Variants in AUTS2 observed in about 807,000 individuals in gnomAD.
AUTS2 encodes the protein activator of transcription and developmental regulator AUTS2.
A neutral mutation model predicts 112.4 loss-of-function variants in AUTS2; 17 were observed. That is an observed-to-expected ratio of 0.15 (90% CI 0.10 to 0.23). The LOEUF is 0.23. AUTS2 is among the 10% of genes least tolerant of loss of function. The pLI, the probability that AUTS2 is intolerant of heterozygous loss-of-function variation, is 1.00. For missense variants in AUTS2, 1,510 were observed against 1,701.6 expected (o/e 0.89, Z 1.98); for synonymous variants, 751 against 702.7 (o/e 1.07, Z -1.09).
At chr7:69,993,155 G>C (rs1391432128) in intron 2 of AUTS2, among the ~76,000 whole-genome samples, 2 of 152,188 alleles carry the variant, frequency 1.3e-5, no homozygotes, top group Non-Finnish European at 2.9e-5. Flanking sequence ...TGACTGTTCT[G>C]CCTGCTCAGC....
chr7:69,816,827 C>T (rs1790783878), intron 1 of AUTS2, among the ~76,000 whole-genome samples: 1 of 152,202 alleles, frequency 6.6e-6, no homozygotes, highest in Non-Finnish European at 1.5e-5. Context: ...ATCTACTGCT[C>T]TTCATGCTCC....
Position 70,162,445 on chromosome 7 carries a change from CAAAAAAAAAAAAAAAAAAA to C in AUTS2, c.660+27891_660+27909del, listed in dbSNP as rs57688959. Among the ~76,000 whole-genome samples the C allele has an allele frequency of 1.9e-4, 11 of 56,696 alleles. No homozygotes were observed. In the South Asian group the frequency reaches 3.1e-3, roughly 16 times the overall value. The allele number at this position is 56,696 out of a possible 152,430, so 37.2% of individuals were successfully genotyped here. On this transcript the variant is annotated intron_variant, in intron 4 of 18. Transcript: ENST00000342771. ...TGGGCGACAGAGCGAGACTCCGTCT[CAAAAAAAAAAAAAAAAAAA>C]AAAAAAAAAAAAAAAAGAAGTAAAG...
intron 1 of AUTS2, among the ~76,000 whole-genome samples, chr7:69,838,412 T>C (rs777208140): frequency 6.6e-6 from 1 of 152,154 alleles, no homozygotes. Context: ...CTCTGTCAGG[T>C]AGACAGTATT....
intron 6 of AUTS2, among the ~76,000 whole-genome samples, chr7:70,704,715 C>T (rs1585539585): frequency 6.6e-6 from 1 of 152,214 alleles, no homozygotes; most frequent in Admixed American, 6.5e-5. Context: ...CGCGGGCCAA[C>T]CCCAGACAGG....
intron 1 of AUTS2, among the ~76,000 whole-genome samples, chr7:69,637,451 G>T (rs147666731): frequency 6.6e-6 from 1 of 152,148 alleles, no homozygotes; most frequent in African/African-American, 2.4e-5. Context: ...TGAAATTTAC[G>T]TCAGCCTTAT....
At chr7:69,700,854 T>A (rs544528450) in intron 1 of AUTS2, among the ~76,000 whole-genome samples, 1 of 152,316 alleles carries the variant, frequency 6.6e-6, no homozygotes, top group South Asian at 2.1e-4. Flanking sequence ...GATGAGTAGC[T>A]ATAATTTTTC....
At chr7:69,934,608 C>A (rs769704024) in intron 2 of AUTS2, among the ~76,000 whole-genome samples, 36 of 152,164 alleles carry the variant, frequency 2.4e-4, no homozygotes, top group Non-Finnish European at 4.7e-4. Flanking sequence ...TACCCCTCCC[C>A]TCAGCAGACC....
intron 18 of AUTS2, among the ~76,000 whole-genome samples, chr7:70,789,391 C>T (rs1791727686): frequency 6.6e-6 from 1 of 152,152 alleles, no homozygotes; most frequent in Non-Finnish European, 1.5e-5. Flanking sequence ...GACAGTCGGG[C>T]TGGATTGCCA....
At chr7:70,150,962 A>G (rs765757433) in intron 4 of AUTS2, among the ~76,000 whole-genome samples, 119 of 152,324 alleles carry the variant, frequency 7.8e-4, no homozygotes, top group Non-Finnish European at 1.4e-3. Flanking sequence ...AAGGACAGTG[A>G]TCCCTGAAAG....
chr7:69,978,322 C>T (rs1160427365), intron 2 of AUTS2, among the ~76,000 whole-genome samples: 1 of 152,104 alleles, frequency 6.6e-6, no homozygotes, highest in East Asian at 1.9e-4. Context: ...TTTTCTTTTT[C>T]CAGGCAATTT....
chr7:69,602,062 G>A (rs62457181), intron 1 of AUTS2, among the ~76,000 whole-genome samples: 461 of 15,692 alleles, frequency 0.029, 7 homozygotes, highest in East Asian at 0.11. Context: ...GTGTGTGTGT[G>A]TGTGTGTGTG....
intron 4 of AUTS2, among the ~76,000 whole-genome samples, chr7:70,255,339 C>T (rs540197290): frequency 2.0e-5 from 3 of 151,790 alleles, no homozygotes; most frequent in African/African-American, 4.8e-5. Context: ...CCCAAAGTGC[C>T]GGGATTATAG....
intron 4 of AUTS2, among the ~76,000 whole-genome samples, chr7:70,329,657 A>G (rs1790654612): frequency 6.7e-6 from 1 of 148,758 alleles, no homozygotes; most frequent in Non-Finnish European, 1.5e-5. Context: ...AGCATTCTTT[A>G]TGTATTCTGG....
At position 69,640,866 on chromosome 7, in the gene AUTS2, A is replaced by C. The variant is rs115447573; in HGVS notation, c.309+40904A>C. Among the ~76,000 whole-genome samples, 1,216 of 152,346 alleles carry C rather than the reference A, an allele frequency of 8.0e-3. 19 individuals are homozygous for C. Among genetic ancestry groups the C allele is most frequent in the African/African-American group, 0.028 (1,146 of 41,580 alleles). On this transcript the variant is annotated intron_variant, in intron 1 of 18. Coordinates refer to ENST00000342771, the MANE Select transcript of AUTS2 (RefSeq NM_015570.4). ...TAATTAATTGAACACAATGGAGCAT[A>C]TACATTAAGTGCTGTTCCTAGCAGC...
chr7:70,586,259 A>G lies in AUTS2; in HGVS notation c.691-112310A>G, dbSNP rs112574613. ...ATAAATGCCATACCGTGCATGATAA[A>G]TATCAAATTGGTGAGTGTGTACCCT... is the stretch of plus-strand genomic sequence containing the variant. On this transcript the variant is annotated intron_variant, in intron 5 of 18. Coordinates refer to ENST00000342771, the MANE Select transcript of AUTS2 (RefSeq NM_015570.4). Among the ~76,000 whole-genome samples, 636 of 152,322 alleles carry G rather than the reference A, an allele frequency of 4.2e-3. 5 individuals carry two copies. The highest frequency in any genetic ancestry group is 0.015 in the African/African-American group (603 of 41,584).
chr7:70,317,548 G>GTT (rs375043625), intron 4 of AUTS2, among the ~76,000 whole-genome samples: 29 of 152,176 alleles, frequency 1.9e-4, no homozygotes, highest in African/African-American at 5.3e-4. Context: ...AAGTTAAGTA[G>GTT]TTTGCCTGAG....
chr7:70,432,198 G>A (rs969894590), intron 4 of AUTS2, among the ~76,000 whole-genome samples: 1 of 152,206 alleles, frequency 6.6e-6, no homozygotes, highest in Non-Finnish European at 1.5e-5. Flanking sequence ...ATGTCAAAAT[G>A]CTTAAAATGG....
intron 4 of AUTS2, among the ~76,000 whole-genome samples, chr7:70,166,991 G>T (rs2129578155): frequency 6.6e-6 from 1 of 152,256 alleles, no homozygotes; most frequent in African/African-American, 2.4e-5. Context: ...GAGCACTTTA[G>T]AAGTCGGCTG....
intron 5 of AUTS2, among the ~76,000 whole-genome samples, chr7:70,547,074 GTTGTGTAACTA>G (rs1800819042): frequency 6.6e-6 from 1 of 152,180 alleles, no homozygotes; most frequent in South Asian, 2.1e-4. Context: ...AATTTATAGC[GTTGTGTAACTA>G]TTGCCACAAT....
Sources: allele counts gnomAD v4.1 joint callset (sites outside exome capture counted in the v4.1 genomes callset), GRCh38; gene constraint gnomAD v4.1.1; transcripts MANE v1.5; gene names NCBI Gene and HGNC (gene_info 2026-07-23, HGNC 2026-07-21).